The following EMX2 variants were observed in gnomAD, a reference collection of about 807,000 sequenced individuals.
EMX2 encodes homeobox protein EMX2.
Under a neutral mutation model 23.0 loss-of-function variants are expected in EMX2, and 6 were observed. The observed-to-expected ratio is 0.26, with a 90% CI of 0.14 to 0.52. The LOEUF (loss-of-function observed/expected upper bound fraction) is 0.52. EMX2 is among the 20% of genes least tolerant of loss of function. EMX2 has a pLI of 0.97. For missense variants in EMX2, 302 were observed against 341.4 expected (o/e 0.88, Z 0.91); for synonymous variants, 175 against 153.3 (o/e 1.14, Z -1.04).
intron 2 of EMX2, among the ~76,000 whole-genome samples, chr10:117,546,534 G>C (rs1176962940): frequency 6.6e-6 from 1 of 152,226 alleles, no homozygotes; most frequent in Non-Finnish European, 1.5e-5. Context: ...GGCAGACTAA[G>C]TTGTAACACT....
intron 1 of EMX2, 37 bp downstream of exon 1, chr10:117,543,710 C>G (rs756817634): frequency 6.2e-7 from 1 of 1,613,164 alleles, no homozygotes; most frequent in South Asian, 1.1e-5. Flanking sequence ...CGCGCCGCTC[C>G]CGCCGCATCC....
rs750652696 is a variant in EMX2, at chr10:117,543,595, G to T, written c.328G>T (p.Ala110Ser). ...PSSHSPHPLF[A>S]SQQRDPSTFY... ...CTCGCACTCGCCACACCCCCTATTC[G>T]CCTCGCAGCAGCGGGATCCGTCCAC... The change falls in exon 1 of 3, where the codon GCC becomes TCC. Residue 110 changes from alanine (A) to serine (S), a missense_variant. Ala to Ser is a moderately conservative substitution (Grantham distance 99). This residue lies in a region of EMX2 where 221 missense variants were observed against 206.8 expected (regional missense o/e 1.07). Transcript: ENST00000553456. 1.2e-6 allele frequency: 2 copies of T among 1,611,566 alleles called. No individual in the cohort carries two copies. The highest frequency in any genetic ancestry group is 1.3e-5 in the African/African-American group (1 of 74,210).
At chr10:117,547,906 A>C (rs1846601779) in intron 2 of EMX2, among the ~76,000 whole-genome samples, 159 bp from the exon 3 acceptor site, 1 of 151,178 alleles carries the variant, frequency 6.6e-6, no homozygotes, top group African/African-American at 2.4e-5. Flanking sequence ...CTGCTCCCTG[A>C]GGGCAGGCCT....
rs1457023420 is a variant in EMX2 at position 117,543,215 on chromosome 10, G to C, written c.-53G>C. 4.1e-6 allele frequency: 5 copies of C among 1,227,918 alleles called. No homozygotes were observed. The highest frequency in any genetic ancestry group is 5.2e-6 in the Non-Finnish European group (5 of 964,662). The allele number at this position is 1,227,918 out of a possible 1,614,324, so 76.1% of individuals were successfully genotyped here. A position where few individuals can be genotyped will look rare whatever the true frequency, so the allele number is the denominator to read the frequency against. ...GCGGGCAGCGGGCGGCGGAGGCAGC[G>C]TGCGGCGGTCGCCAGGAGCTGGGAG... On this transcript the variant is annotated 5_prime_UTR_variant, in exon 1 of 3. Coordinates refer to ENST00000553456, the MANE Select transcript of EMX2 (RefSeq NM_004098.4).
Position 117,543,387 on chromosome 10 carries a change from C to T in EMX2, c.120C>T (p.Asn40=), listed in dbSNP as rs1846522936. The change falls in exon 1 of 3, where the codon AAC becomes AAT. Residue 40 remains asparagine (N), a synonymous_variant. Coordinates refer to ENST00000553456, the MANE Select transcript of EMX2 (RefSeq NM_004098.4). ...GTCCCGCGGCACTCAGCTACGCTAA[C>T]TCCAGCCCCATAAATCCGTTCCTCA... is the stretch of plus-strand genomic sequence containing the variant. The part of the protein sequence containing the change: ...PIRPAALSYA[N]SSPINPFLNG... 3.2e-6 allele frequency: 5 copies of T among 1,580,944 alleles called. No homozygotes were observed. Among genetic ancestry groups the T allele is most frequent in the Non-Finnish European group, 4.3e-6 (5 of 1,164,422 alleles).
At chr10:117,544,370 T>C (rs1846544685) in intron 1 of EMX2, 1 of 108,960 alleles carries the variant, frequency 9.2e-6, no homozygotes. Context: ...TTTGTTTTTC[T>C]TTCTTTCTTT....
At position 117,545,749 on chromosome 10, in the gene EMX2, A is replaced by G; in HGVS notation, c.524A>G (p.Lys175Arg). 1 of 1,614,044 alleles carries G rather than the reference A, an allele frequency of 6.2e-7. No individual in the cohort carries two copies. Among genetic ancestry groups the G allele is most frequent in the Non-Finnish European group, 8.5e-7 (1 of 1,180,028 alleles). The change falls in exon 2 of 3, where the codon AAG (lysine) becomes AGG (arginine). Residue 175 changes from lysine to arginine, a missense_variant. This residue lies in a region of EMX2 where 37 missense variants were observed against 69.1 expected (regional missense o/e 0.54). Transcript: ENST00000553456. ...CTAAGGCTGGAACACGCCTTTGAGA[A>G]GAATCACTACGTGGTGGGCGCCGAA... Reference protein sequence around the residue: ...QLLRLEHAFEKNHYVVGAERK... With the variant: ...QLLRLEHAFERNHYVVGAERK...
chr10:117,548,139 A>G lies in EMX2; in HGVS notation c.666A>G (p.Gln222=). 2 of 1,614,070 alleles carry G rather than the reference A, an allele frequency of 1.2e-6. No homozygotes were observed. The highest frequency in any genetic ancestry group is 1.7e-5 in the Admixed American group (1 of 60,002). Reference sequence around the variant, plus strand: ...TGGAGGAAGAAGGCTCAGATTCGCAACAAAAGAAAAAAGGGACGCACCATA... The same window carrying G: ...TGGAGGAAGAAGGCTCAGATTCGCAGCAAAAGAAAAAAGGGACGCACCATA... ...QKLEEEGSDS[Q]QKKKGTHHIN... The change falls in exon 3 of 3, where the codon CAA becomes CAG. Residue 222 remains glutamine (Q), a synonymous_variant. Coordinates refer to ENST00000553456, the MANE Select transcript of EMX2 (RefSeq NM_004098.4).
In EMX2 at chr10:117,548,221, T is replaced by C. The variant is rs1483927865; in HGVS notation, c.748T>C (p.Ser250Pro). 1.2e-6 allele frequency: 2 copies of C among 1,612,994 alleles called. No individual in the cohort carries two copies. The highest frequency in any genetic ancestry group is 4.5e-5 in the East Asian group (2 of 44,816). The change falls in exon 3 of 3, where the codon TCA becomes CCA. Residue 250 changes from serine (S) to proline (P), a missense_variant. By Grantham distance (74) the Ser-to-Pro change is moderately conservative (BLOSUM62 -1). Around this residue, in one of 4 missense-constraint regions of EMX2, gnomAD observed 42 missense variants for 49.3 expected, o/e 0.85. Transcript: ENST00000553456. ...GAGTCCGGAGGAAATAGACGTGACC[T>C]CAGATGATTAAAAACATAAACCTAA... Reference protein sequence around the residue: ...QASPEEIDVTSDD With the variant: ...QASPEEIDVTPDD
At chr10:117,545,495 C>T (rs1846563980) in intron 1 of EMX2, 137 bp from the exon 2 acceptor site, 2 of 1,080,704 alleles carry the variant, frequency 1.9e-6, no homozygotes, top group South Asian at 1.6e-5. Flanking sequence ...TTGGGAGGAC[C>T]ACCGGCCCCC....
chr10:117,548,767 A>C lies in EMX2; in HGVS notation c.*535A>C, dbSNP rs1329370602. On this transcript the variant is annotated 3_prime_UTR_variant, in exon 3 of 3. Coordinates refer to ENST00000553456, the MANE Select transcript of EMX2 (RefSeq NM_004098.4). ...GTGTTTCCCCCCCATCTTTAAAAAT[A>C]ATTAGTAATAAAAAACAAAAATTCC... 4 of 405,510 alleles carry C rather than the reference A, an allele frequency of 9.9e-6. No individual in the cohort carries two copies. Among genetic ancestry groups the C allele is most frequent in the Non-Finnish European group, 1.7e-5 (4 of 230,350 alleles). 25.1% of individuals were successfully genotyped at this position (405,510 alleles called of 1,614,324 possible).
At chr10:117,545,549 C>A (rs1846564950) in intron 1 of EMX2, 83 bp from the exon 2 acceptor site, 1 of 1,570,256 alleles carries the variant, frequency 6.4e-7, no homozygotes, top group Non-Finnish European at 8.7e-7. Flanking sequence ...GAGCACGGTG[C>A]CGGGCCAGCC....
Position 117,543,034 on chromosome 10 carries a change from T to G in EMX2, c.-234T>G. ...CCCCCTCTCTTCAGGTTGGGCGCGTTTGGTGCAAGATTCTCGGGATCCTCG... is the reference window on the plus strand; with the variant it reads ...CCCCCTCTCTTCAGGTTGGGCGCGTGTGGTGCAAGATTCTCGGGATCCTCG... On this transcript the variant is annotated 5_prime_UTR_variant, in exon 1 of 3. Transcript: ENST00000553456. 4.2e-6 allele frequency: 2 copies of G among 475,550 alleles called. No homozygotes were observed. The highest frequency in any genetic ancestry group is 3.9e-5 in the East Asian group (1 of 25,860). 29.5% of individuals were successfully genotyped at this position (475,550 alleles called of 1,614,324 possible). A position where few individuals can be genotyped will look rare whatever the true frequency, so the allele number is the denominator to read the frequency against.
rs867593812 is a variant in EMX2 at position 117,543,596 on chromosome 10, C to T, written c.329C>T (p.Ala110Val). Reference sequence around the variant, plus strand: ...TCGCACTCGCCACACCCCCTATTCGCCTCGCAGCAGCGGGATCCGTCCACC... The same window carrying T: ...TCGCACTCGCCACACCCCCTATTCGTCTCGCAGCAGCGGGATCCGTCCACC... ...PSSHSPHPLF[A>V]SQQRDPSTFY... The change falls in exon 1 of 3, where the codon GCC becomes GTC. Residue 110 changes from alanine to valine, a missense_variant. By Grantham distance (64) the Ala-to-Val change is moderately conservative. Around this residue, in one of 4 missense-constraint regions of EMX2, gnomAD observed 221 missense variants for 206.8 expected, o/e 1.07. Transcript: ENST00000553456. 3 of 1,613,462 alleles carry T rather than the reference C, an allele frequency of 1.9e-6. No individual in the cohort carries two copies. Among genetic ancestry groups the T allele is most frequent in the Non-Finnish European group, 2.5e-6 (3 of 1,179,722 alleles).
In EMX2 at chr10:117,548,258, C is replaced by A; in HGVS notation, c.*26C>A. ...AAACATAAACCTAACCCCACAGAAA[C>A]GGACAACATGGAGCAAAAGAGACAG... On this transcript the variant is annotated 3_prime_UTR_variant, in exon 3 of 3. Transcript: ENST00000553456. 1.2e-6 allele frequency: 2 copies of A among 1,611,848 alleles called. No individual in the cohort carries two copies. Among genetic ancestry groups the A allele is most frequent in the Non-Finnish European group, 1.7e-6 (2 of 1,179,098 alleles).
intron 1 of EMX2, 99 bp from the exon 2 acceptor site, chr10:117,545,533 G>A (rs1846564693): frequency 1.4e-6 from 2 of 1,460,184 alleles, no homozygotes; most frequent in East Asian, 4.8e-5. Context: ...GCTATGCGAA[G>A]GCCCTGAGCA....
At chr10:117,545,522 G>C in intron 1 of EMX2, 110 bp from the exon 2 acceptor site, 1 of 1,346,620 alleles carries the variant, frequency 7.4e-7, no homozygotes, top group Non-Finnish European at 1.0e-6. Flanking sequence ...CGAGCGGCGC[G>C]GCTATGCGAA....
chr10:117,546,458 A>G (rs1846579708), intron 2 of EMX2, among the ~76,000 whole-genome samples: 1 of 152,244 alleles, frequency 6.6e-6, no homozygotes, highest in African/African-American at 2.4e-5. Context: ...GGACTACACT[A>G]GGCGCTACTG....
chr10:117,546,730 G>T (rs956960403), intron 2 of EMX2, among the ~76,000 whole-genome samples: 1 of 152,376 alleles, frequency 6.6e-6, no homozygotes, highest in South Asian at 2.1e-4. Flanking sequence ...TGGAGTCTTT[G>T]TGTGCGTGTC....
Sources: allele counts gnomAD v4.1 joint callset (sites outside exome capture counted in the v4.1 genomes callset), GRCh38; gene constraint gnomAD v4.1.1; regional missense constraint gnomAD v4.1.1; transcripts MANE v1.5; gene names NCBI Gene and HGNC (gene_info 2026-07-23, HGNC 2026-07-21).